Variants in MCTP1 observed in about 807,000 individuals in gnomAD.
The protein encoded by MCTP1 is multiple C2 and transmembrane domain containing 1.
A neutral mutation model predicts 120.6 loss-of-function variants in MCTP1; 69 were observed. The observed-to-expected ratio is 0.57, with a 90% CI of 0.47 to 0.70. MCTP1 has a LOEUF of 0.70. Among genes scored for constraint, MCTP1 ranks in the 30% least tolerant of loss-of-function variants. MCTP1 has a pLI of 0.00. For missense variants in MCTP1, 1,203 were observed against 1,248.8 expected (o/e 0.96, Z 0.55); for synonymous variants, 529 against 493.1 (o/e 1.07, Z -0.96).
chr5:94,715,004 T>A, intron 19 of MCTP1, 118 bp from the exon 20 acceptor site: 1 of 633,884 alleles, frequency 1.6e-6, no homozygotes, highest in Non-Finnish European at 2.8e-6. Flanking sequence ...TTCGTGTGGT[T>A]ATAAATGGAT....
At chr5:94,868,960 A>G (rs979457582) in intron 16 of MCTP1, among the ~76,000 whole-genome samples, 3 of 151,874 alleles carry the variant, frequency 2.0e-5, no homozygotes, top group East Asian at 3.9e-4. Context: ...CATATTATCT[A>G]TCTATCTATC....
intron 19 of MCTP1, among the ~76,000 whole-genome samples, chr5:94,770,425 A>T (rs531478521): frequency 2.6e-5 from 4 of 152,376 alleles, no homozygotes; most frequent in African/African-American, 9.6e-5. Context: ...ATTGACTCTT[A>T]AATGAAAGTT....
intron 17 of MCTP1, among the ~76,000 whole-genome samples, chr5:94,823,617 C>T (rs1238244661): frequency 6.6e-6 from 1 of 152,162 alleles, no homozygotes; most frequent in African/African-American, 2.4e-5. Flanking sequence ...AACATTGAAT[C>T]TATAAATCAC....
At chr5:95,216,721 C>T (rs1301526206) in intron 1 of MCTP1, among the ~76,000 whole-genome samples, 5 of 152,160 alleles carry the variant, frequency 3.3e-5, no homozygotes, top group East Asian at 1.9e-4. Context: ...CACTGTCATA[C>T]GAAGTGAGAA....
Position 94,977,216 on chromosome 5 carries a change from C to T in MCTP1, c.839-23855G>A, listed in dbSNP as rs544626754. Among the ~76,000 whole-genome samples, 7 of 152,128 alleles carry T rather than the reference C, an allele frequency of 4.6e-5. No individual in the cohort carries two copies. The South Asian group carries it at 1.5e-3, about 32-fold the overall frequency. On this transcript the variant is annotated intron_variant, in intron 2 of 22. Coordinates refer to ENST00000515393, the MANE Select transcript of MCTP1 (RefSeq NM_024717.7). The stretch of plus-strand genomic sequence containing the variant: ...AGGAAATGAAGAAAAAGAATTGTGT[C>T]TACATTATCCCTCAAAATAATAAAA...
At chr5:94,996,015 CTTAA>C (rs745379707) in intron 2 of MCTP1, among the ~76,000 whole-genome samples, 31 of 152,110 alleles carry the variant, frequency 2.0e-4, no homozygotes, top group Non-Finnish European at 3.7e-4. Flanking sequence ...TTTTGGTTCA[CTTAA>C]TTAAGTATTC....
At chr5:95,099,552 A>G (rs1481099934) in intron 1 of MCTP1, among the ~76,000 whole-genome samples, 4 of 151,324 alleles carry the variant, frequency 2.6e-5, no homozygotes, top group Admixed American at 1.3e-4. Context: ...TCAGAGAAAT[A>G]CAAATCAAAA....
chr5:94,866,788 C>T (rs1796903549), intron 17 of MCTP1, among the ~76,000 whole-genome samples: 1 of 151,488 alleles, frequency 6.6e-6, no homozygotes, highest in Non-Finnish European at 1.5e-5. Context: ...AAAAAAAAGG[C>T]TGCCATCTTG....
At chr5:94,727,911 CAT>C (rs2152684828) in intron 19 of MCTP1, among the ~76,000 whole-genome samples, 1 of 152,288 alleles carries the variant, frequency 6.6e-6, no homozygotes, top group Admixed American at 6.5e-5. Context: ...TTCAACAAAA[CAT>C]AGCAGATGTC....
At chr5:94,851,139 A>G (rs2153224478) in intron 17 of MCTP1, among the ~76,000 whole-genome samples, 1 of 152,242 alleles carries the variant, frequency 6.6e-6, no homozygotes, top group South Asian at 2.1e-4. Flanking sequence ...AATCTATAAA[A>G]CAGCCCACAT....
At chr5:94,964,015 T>C (rs1250826584) in intron 2 of MCTP1, among the ~76,000 whole-genome samples, 1 of 152,186 alleles carries the variant, frequency 6.6e-6, no homozygotes, top group East Asian at 1.9e-4. Flanking sequence ...CAAATTTCAT[T>C]CTTCTGCACT....
intron 2 of MCTP1, among the ~76,000 whole-genome samples, chr5:94,978,569 T>G (rs973320091): frequency 6.6e-6 from 1 of 152,106 alleles, no homozygotes; most frequent in Non-Finnish European, 1.5e-5. Context: ...TGGATGAAAC[T>G]TGAAGACATT....
chr5:95,170,738 C>T (rs966762534), intron 1 of MCTP1, among the ~76,000 whole-genome samples: 1 of 152,112 alleles, frequency 6.6e-6, no homozygotes, highest in East Asian at 1.9e-4. Flanking sequence ...GCAACCCCTG[C>T]CTTTTTTTGT....
At chr5:95,183,940 A>C (rs1748901622) in intron 1 of MCTP1, among the ~76,000 whole-genome samples, 1 of 152,004 alleles carries the variant, frequency 6.6e-6, no homozygotes, top group African/African-American at 2.4e-5. Flanking sequence ...TCTCACTCAT[A>C]ATTGGGAGTT....
At chr5:95,003,666 T>C (rs924028580) in intron 2 of MCTP1, among the ~76,000 whole-genome samples, 6 of 152,218 alleles carry the variant, frequency 3.9e-5, no homozygotes, top group African/African-American at 1.4e-4. Context: ...TGTGAAGACA[T>C]GCTTGCTTCC....
At chr5:94,812,954 G>A (rs190815475) in intron 17 of MCTP1, among the ~76,000 whole-genome samples, 3 of 151,864 alleles carry the variant, frequency 2.0e-5, no homozygotes, top group Admixed American at 2.0e-4. Context: ...GTGCGTGCGT[G>A]TATATATAAT....
At chr5:95,174,335 T>C (rs1747719343) in intron 1 of MCTP1, among the ~76,000 whole-genome samples, 1 of 152,028 alleles carries the variant, frequency 6.6e-6, no homozygotes, top group South Asian at 2.1e-4. Context: ...TATCATAAAA[T>C]TTCAAAATCA....
chr5:94,950,946 CA>C (rs1186726298), intron 3 of MCTP1, among the ~76,000 whole-genome samples: 15,977 of 107,382 alleles, frequency 0.15, 1,091 homozygotes, highest in East Asian at 0.44. Context: ...GACTCTGTCT[CA>C]AAAAAAAAAA....
chr5:95,093,610 A>G, intron 1 of MCTP1, among the ~76,000 whole-genome samples: 1 of 152,158 alleles, frequency 6.6e-6, no homozygotes, highest in Non-Finnish European at 1.5e-5. Context: ...GAGGATAAAT[A>G]TATTTTTCAT....
Sources: gnomAD v4.1 joint callset for allele counts (sites outside exome capture counted in the v4.1 genomes callset) on GRCh38, gnomAD v4.1.1 for gene constraint, MANE v1.5 for transcripts, NCBI Gene and HGNC (gene_info 2026-07-23, HGNC 2026-07-21) for gene names.